Variants in TAF4B observed in about 807,000 individuals in gnomAD.
TAF4B encodes transcription initiation factor TFIID subunit 4B.
A neutral mutation model predicts 86.4 loss-of-function variants in TAF4B; 38 were observed. The observed-to-expected ratio is 0.44, with a 90% CI of 0.34 to 0.58. The LOEUF is 0.58. Ranked by LOEUF, TAF4B falls within the 20% of genes least tolerant of loss-of-function variation. The probability of loss-of-function intolerance (pLI) is 0.02; values close to 1 mark genes in which losing one functional copy is unlikely to be tolerated. For missense variants in TAF4B, 988 were observed against 1,027.6 expected, an observed-to-expected ratio of 0.96 and a Z score of 0.53; for synonymous variants, 388 against 391.2, an observed-to-expected ratio of 0.99 and a Z score of 0.10.
chr18:26,286,753 G>A (rs146335683), intron 7 of TAF4B, among the ~76,000 whole-genome samples: 7 of 151,448 alleles, frequency 4.6e-5, no homozygotes, highest in East Asian at 3.9e-4. Context: ...GCACGATCTC[G>A]GCTCACTGTA....
intron 9 of TAF4B, among the ~76,000 whole-genome samples, chr18:26,309,245 ATTTTTTTTTTTTTTTTT>A (rs59457633): frequency 0.011 from 953 of 84,628 alleles, 24 homozygotes; most frequent in African/African-American, 0.033. Context: ...ACCTGACAGT[ATTTTTTTTTTTTTTTTT>A]TTTTTTTTTT....
intron 14 of TAF4B, among the ~76,000 whole-genome samples, chr18:26,370,039 T>C (rs1282625165): frequency 6.6e-6 from 1 of 152,210 alleles, no homozygotes; most frequent in South Asian, 2.1e-4. Flanking sequence ...TAAGTGCCCT[T>C]AGAAGGCAAG....
intron 9 of TAF4B, among the ~76,000 whole-genome samples, chr18:26,308,664 G>A (rs1410830776): frequency 1.3e-5 from 2 of 152,018 alleles, no homozygotes; most frequent in African/African-American, 4.8e-5. Flanking sequence ...TCTGAGGTCT[G>A]GAGTTCGAGA....
At chr18:26,375,724 A>G (rs1359273214) in intron 14 of TAF4B, among the ~76,000 whole-genome samples, 3 of 152,124 alleles carry the variant, frequency 2.0e-5, no homozygotes, top group African/African-American at 4.8e-5. Context: ...AATAAGTTCA[A>G]TTTATCAATT....
intron 9 of TAF4B, among the ~76,000 whole-genome samples, chr18:26,299,631 C>T (rs1470675711): frequency 6.6e-6 from 1 of 151,966 alleles, no homozygotes; most frequent in Non-Finnish European, 1.5e-5. Flanking sequence ...AATGAATTTA[C>T]CATTGAAACT....
chr18:26,243,211 T>A (rs946876104), intron 1 of TAF4B, among the ~76,000 whole-genome samples: 4 of 152,230 alleles, frequency 2.6e-5, no homozygotes, highest in Non-Finnish European at 5.9e-5. Context: ...CCCATCACTT[T>A]CAGGTACACC....
At chr18:26,388,960 C>A (rs148981146) in intron 14 of TAF4B, among the ~76,000 whole-genome samples, 1 of 152,092 alleles carries the variant, frequency 6.6e-6, no homozygotes, top group South Asian at 2.1e-4. Context: ...TACAGGCATG[C>A]GCCACCACAC....
chr18:26,281,185 G>T (rs978441275), intron 5 of TAF4B, among the ~76,000 whole-genome samples: 6 of 152,062 alleles, frequency 3.9e-5, no homozygotes, highest in Admixed American at 3.9e-4. Flanking sequence ...CTACCTCCTA[G>T]ATAACTGTGC....
intron 9 of TAF4B, among the ~76,000 whole-genome samples, chr18:26,301,452 A>G (rs2056732877): frequency 6.6e-6 from 1 of 151,958 alleles, no homozygotes. Flanking sequence ...ATGCCTAGCT[A>G]GCTTTTTTTA....
At chr18:26,279,304 A>C (rs761178907) in intron 5 of TAF4B, among the ~76,000 whole-genome samples, 3 of 152,170 alleles carry the variant, frequency 2.0e-5, no homozygotes, top group Non-Finnish European at 4.4e-5. Context: ...GTACCTAGGA[A>C]TACAGCTAAC....
intron 13 of TAF4B, among the ~76,000 whole-genome samples, chr18:26,338,650 G>A (rs1469326207): frequency 6.6e-6 from 1 of 151,462 alleles, no homozygotes; most frequent in Non-Finnish European, 1.5e-5. Flanking sequence ...GGCTAATTTT[G>A]TATTTTTAGT....
chr18:26,364,009 G>A (rs1389382637), intron 14 of TAF4B, among the ~76,000 whole-genome samples: 1 of 152,136 alleles, frequency 6.6e-6, no homozygotes, highest in African/African-American at 2.4e-5. Flanking sequence ...TACCTTTATT[G>A]TTGCTAAGAA....
intron 14 of TAF4B, among the ~76,000 whole-genome samples, chr18:26,386,633 G>A (rs936218460): frequency 6.6e-6 from 1 of 152,060 alleles, no homozygotes; most frequent in African/African-American, 2.4e-5. Flanking sequence ...TGCCTGTTCT[G>A]GGACTTGGTA....
chr18:26,265,987 C>G (rs1016069300), intron 2 of TAF4B: 8 of 152,004 alleles, frequency 5.3e-5, no homozygotes, highest in African/African-American at 1.9e-4. Context: ...GCTAGCCAGG[C>G]TGGTTTTGAA....
In TAF4B at chr18:26,285,985, C is replaced by CA; in HGVS notation, c.1078dup (p.Thr360AsnfsTer18). 1 of 1,614,212 alleles carries CA rather than the reference C, an allele frequency of 6.2e-7. No homozygotes were observed. Among genetic ancestry groups the CA allele is most frequent in the East Asian group, 2.2e-5 (1 of 44,888 alleles). ...GACATGGTCATTGCTACCTGTACTA[C>CA]AACAGTAACAACTTCTCCTGTGGTG... On this transcript the variant is annotated frameshift_variant, in exon 7 of 15. Coordinates refer to ENST00000269142, the MANE Select transcript of TAF4B (RefSeq NM_005640.3). LOFTEE classifies it high-confidence loss of function.
chr18:26,227,225 G>T lies in TAF4B; in HGVS notation c.292G>T (p.Ala98Ser). The T allele has an allele frequency of 6.2e-7, 1 of 1,613,848 alleles. No homozygotes were observed. Among genetic ancestry groups the T allele is most frequent in the Admixed American group, 1.7e-5 (1 of 60,004 alleles). ...LPAPQIVAVK[A>S]PNTTTIQFPA... is the part of the protein sequence containing the mutation. ...TGCTCCTCAGATAGTCGCCGTGAAA[G>T]CCCCCAACACCACGACAATCCAGTT... is the stretch of plus-strand genomic sequence containing the variant. Residue 98 changes from alanine (A) to serine (S), a missense_variant, in exon 1 of 15, where the codon GCC (alanine) becomes TCC (serine). Ala to Ser is a moderately conservative substitution (Grantham distance 99). This residue lies in a region of TAF4B where 747 missense variants were observed against 737.9 expected (regional missense o/e 1.01). Transcript: ENST00000269142.
chr18:26,333,280 GC>G (rs910916669), intron 12 of TAF4B, among the ~76,000 whole-genome samples: 23 of 151,498 alleles, frequency 1.5e-4, no homozygotes, highest in South Asian at 1.0e-3. Context: ...GAGTGCAGTG[GC>G]CCCATCTCAG....
At chr18:26,322,893 T>C (rs2056974455) in intron 11 of TAF4B, among the ~76,000 whole-genome samples, 1 of 152,162 alleles carries the variant, frequency 6.6e-6, no homozygotes, top group African/African-American at 2.4e-5. Flanking sequence ...TCCCTCTGAG[T>C]ACTGCTTTCA....
intron 1 of TAF4B, among the ~76,000 whole-genome samples, chr18:26,227,478 A>G (rs1163648201): frequency 2.0e-5 from 3 of 152,202 alleles, no homozygotes; most frequent in Non-Finnish European, 4.4e-5. Flanking sequence ...CACCTAAGTG[A>G]TACAGTAAAA....
Sources: gnomAD v4.1 joint callset for allele counts (sites outside exome capture counted in the v4.1 genomes callset) on GRCh38, gnomAD v4.1.1 for gene constraint, gnomAD v4.1.1 regional missense constraint, MANE v1.5 for transcripts, NCBI Gene and HGNC (gene_info 2026-07-23, HGNC 2026-07-21) for gene names.